The following RPS6KA2 variants were observed in gnomAD, a reference collection of about 807,000 sequenced individuals.
RPS6KA2 encodes the protein ribosomal protein S6 kinase A2.
In RPS6KA2, 42 loss-of-function variants were observed where a neutral mutation model predicts 91.8. The observed-to-expected ratio is 0.46, with a 90% CI of 0.36 to 0.59. The LOEUF is 0.59. Among genes scored for constraint, RPS6KA2 ranks in the 20% least tolerant of loss-of-function variants. RPS6KA2 has a pLI of 0.00. For missense variants in RPS6KA2, 798 were observed against 978.5 expected, an observed-to-expected ratio of 0.82 and a Z score of 2.46; for synonymous variants, 414 against 393.6, an observed-to-expected ratio of 1.05 and a Z score of -0.61.
rs998184995 is a variant in RPS6KA2 at position 166,767,306 on chromosome 6, G to C, written c.123+90894C>G. On this transcript the variant is annotated intron_variant, in intron 2 of 21. Transcript: ENST00000503859. This position sits in a 1 kb window ranked among gnomAD's most constrained non-coding sequence, Gnocchi z 4.6. Reference sequence around the variant, plus strand: ...GCTTCAGCTTGCAAGGCAGAGGCACGGAACGATTTGATGAAAAAGACAGAG... The same window carrying C: ...GCTTCAGCTTGCAAGGCAGAGGCACCGAACGATTTGATGAAAAAGACAGAG... 6.6e-6 allele frequency among the ~76,000 whole-genome samples: 1 copy of C among 152,136 alleles called. No homozygotes were observed. Among genetic ancestry groups the C allele is most frequent in the African/African-American group, 2.4e-5 (1 of 41,404 alleles).
At chr6:166,693,816 T>C (rs1789281333) in intron 2 of RPS6KA2, among the ~76,000 whole-genome samples, 1 of 152,180 alleles carries the variant, frequency 6.6e-6, no homozygotes, top group African/African-American at 2.4e-5. Context: ...AAAATAAAAG[T>C]AACTCATAAA....
chr6:166,595,365 T>C (rs367599924), intron 1 of RPS6KA2, among the ~76,000 whole-genome samples: 1 of 152,218 alleles, frequency 6.6e-6, no homozygotes, highest in East Asian at 1.9e-4. Flanking sequence ...ACGAATAAAC[T>C]TTGAATGCAA....
chr6:166,507,432 C>T (rs1782274246), intron 5 of RPS6KA2, among the ~76,000 whole-genome samples: 1 of 149,788 alleles, frequency 6.7e-6, no homozygotes, highest in South Asian at 2.1e-4. Context: ...ATACCACATA[C>T]AGCACACACA....
intron 11 of RPS6KA2, among the ~76,000 whole-genome samples, chr6:166,462,334 T>C (rs1780347610): frequency 1.3e-5 from 2 of 152,094 alleles, no homozygotes; most frequent in African/African-American, 4.8e-5. Context: ...CGTCCACCGA[T>C]GGGGCAGGCA....
At chr6:166,802,557 C>A (rs1214293172) in intron 2 of RPS6KA2, among the ~76,000 whole-genome samples, 1 of 152,160 alleles carries the variant, frequency 6.6e-6, no homozygotes, top group East Asian at 1.9e-4. Context: ...CAGACACTAA[C>A]GGGAATGTTT....
At chr6:166,426,533 A>G in intron 16 of RPS6KA2, among the ~76,000 whole-genome samples, 1 of 46,484 alleles carries the variant, frequency 2.2e-5, no homozygotes, top group African/African-American at 9.2e-5. Flanking sequence ...TGAAAGGATC[A>G]ACAAAATTGA....
chr6:166,855,068 T>C (rs1209232316), intron 2 of RPS6KA2, among the ~76,000 whole-genome samples: 1 of 152,224 alleles, frequency 6.6e-6, no homozygotes, highest in Non-Finnish European at 1.5e-5. Flanking sequence ...CGGAGGCCAT[T>C]ATCCTAAGTG....
intron 2 of RPS6KA2, among the ~76,000 whole-genome samples, chr6:166,787,517 G>A (rs1177608515): frequency 1.3e-5 from 2 of 151,986 alleles, no homozygotes; most frequent in Non-Finnish European, 2.9e-5. Flanking sequence ...AAAGGTCACA[G>A]TTGAAAAAAA....
chr6:166,833,500 C>A (rs1780238459), intron 2 of RPS6KA2, among the ~76,000 whole-genome samples: 1 of 152,150 alleles, frequency 6.6e-6, no homozygotes, highest in Admixed American at 6.5e-5. Flanking sequence ...TGATGACAAC[C>A]AAGGCATGGC....
At chr6:166,640,857 C>G (rs1288238831) in intron 2 of RPS6KA2, among the ~76,000 whole-genome samples, 12 of 151,892 alleles carry the variant, frequency 7.9e-5, no homozygotes. Context: ...AGAGCAGACT[C>G]AACGGCGTGA....
At chr6:166,802,632 T>A (rs1166410464) in intron 2 of RPS6KA2, among the ~76,000 whole-genome samples, 2 of 152,206 alleles carry the variant, frequency 1.3e-5, no homozygotes, top group African/African-American at 4.8e-5. Context: ...CTGAGGGGAC[T>A]GTGATGGGCT....
At chr6:166,677,362 G>GTT (rs199505387) in intron 2 of RPS6KA2, among the ~76,000 whole-genome samples, 122 of 141,328 alleles carry the variant, frequency 8.6e-4, no homozygotes, top group Middle Eastern at 3.8e-3. Flanking sequence ...GTTCATATCA[G>GTT]TTTTTTTTTT....
At chr6:166,594,830 T>C (rs1224355978) in intron 1 of RPS6KA2, among the ~76,000 whole-genome samples, 2 of 152,194 alleles carry the variant, frequency 1.3e-5, no homozygotes, top group African/African-American at 4.8e-5. Context: ...GCTATAAGGT[T>C]CTCAGAACAC....
chr6:166,786,871 T>A (rs1778944421), intron 2 of RPS6KA2, among the ~76,000 whole-genome samples: 1 of 152,130 alleles, frequency 6.6e-6, no homozygotes, highest in Non-Finnish European at 1.5e-5. Flanking sequence ...ACATTTTTGA[T>A]CCTCATGACC....
intron 1 of RPS6KA2, among the ~76,000 whole-genome samples, chr6:166,555,193 G>C (rs1784142446): frequency 6.6e-6 from 1 of 152,104 alleles, no homozygotes; most frequent in Admixed American, 6.5e-5. Context: ...AAGTGACAGG[G>C]GTGAGAAGAA....
intron 16 of RPS6KA2, among the ~76,000 whole-genome samples, chr6:166,428,878 C>T (rs1315237891): frequency 2.7e-5 from 4 of 150,342 alleles, no homozygotes; most frequent in Admixed American, 6.6e-5. Flanking sequence ...GTCAGTGTGG[C>T]GATTCCTCAG....
chr6:166,513,078 G>A (rs1352041376), intron 3 of RPS6KA2, among the ~76,000 whole-genome samples: 1 of 152,152 alleles, frequency 6.6e-6, no homozygotes, highest in Non-Finnish European at 1.5e-5. Context: ...TATAGCTGAT[G>A]AGCTTCAAAA....
intron 2 of RPS6KA2, among the ~76,000 whole-genome samples, chr6:166,670,288 C>G (rs1044642706): frequency 6.6e-6 from 1 of 152,236 alleles, no homozygotes; most frequent in Non-Finnish European, 1.5e-5. Context: ...AGCCCTGCAA[C>G]ACGCGCATGA....
Position 166,410,597 on chromosome 6 carries a change from T to C in RPS6KA2, c.*2165A>G, listed in dbSNP as rs1031921184. 5 of 152,178 alleles carry C rather than the reference T, an allele frequency of 3.3e-5. No homozygotes were observed. Among genetic ancestry groups the C allele is most frequent in the Admixed American group, 2.6e-4 (4 of 15,270 alleles). 9.4% of individuals were successfully genotyped at this position (152,178 alleles called of 1,614,324 possible). A position where few individuals can be genotyped will look rare whatever the true frequency, so the allele number is the denominator to read the frequency against. On this transcript the variant is annotated 3_prime_UTR_variant, in exon 21 of 21. Coordinates refer to ENST00000265678, the MANE Select transcript of RPS6KA2 (RefSeq NM_021135.6). ...GTGATGGGGAGTCTCGTCGGTCCCTTTGGCATTCTTAGAGTTCAGAAGCTA... is the reference window on the plus strand; with the variant it reads ...GTGATGGGGAGTCTCGTCGGTCCCTCTGGCATTCTTAGAGTTCAGAAGCTA...
Sources: allele counts gnomAD v4.1 joint callset (sites outside exome capture counted in the v4.1 genomes callset), GRCh38; gene constraint gnomAD v4.1.1; non-coding constraint Gnocchi (gnomAD v3.1); transcripts MANE v1.5; gene names NCBI Gene and HGNC (gene_info 2026-07-23, HGNC 2026-07-21).